FAM13B: variants seen among roughly 807,000 people sequenced by gnomAD.
FAM13B encodes the protein protein FAM13B.
Under a neutral mutation model 117.3 loss-of-function variants are expected in FAM13B, and 60 were observed. The ratio of observed to expected loss-of-function variants is 0.51; its 90% CI spans 0.42 to 0.63. FAM13B has a LOEUF of 0.63. FAM13B is among the 30% of genes least tolerant of loss of function. FAM13B has a pLI of 0.00. For synonymous variants in FAM13B, 332 were observed against 356.1 expected (o/e 0.93, Z 0.76); for missense variants, 972 against 1,091.9 (o/e 0.89, Z 1.55).
intron 10 of FAM13B, among the ~76,000 whole-genome samples, chr5:137,969,080 G>C (rs557589682): frequency 6.6e-6 from 1 of 152,248 alleles, no homozygotes; most frequent in South Asian, 2.1e-4. Context: ...CAAAGCAGCC[G>C]GGAAGCTCTA....
chr5:138,044,326 C>T (rs763437011), intron 1 of FAM13B, among the ~76,000 whole-genome samples: 4 of 152,054 alleles, frequency 2.6e-5, no homozygotes, highest in African/African-American at 4.8e-5. Context: ...CCAAGGTGAG[C>T]GGATCACCTG....
chr5:137,990,614 T>C (rs998787338), intron 7 of FAM13B, among the ~76,000 whole-genome samples: 2 of 151,978 alleles, frequency 1.3e-5, no homozygotes, highest in African/African-American at 4.8e-5. Context: ...TCATAAAGAA[T>C]TAAATAACCA....
chr5:137,970,539 G>A (rs1025517925), intron 10 of FAM13B, among the ~76,000 whole-genome samples: 2 of 151,998 alleles, frequency 1.3e-5, no homozygotes, highest in Admixed American at 1.3e-4. Context: ...AGACTAGGAA[G>A]AAACTGTGTC....
At chr5:137,948,086 A>C (rs887251837) in intron 18 of FAM13B, among the ~76,000 whole-genome samples, 1 of 152,106 alleles carries the variant, frequency 6.6e-6, no homozygotes, top group African/African-American at 2.4e-5. Flanking sequence ...TCCATTCTCC[A>C]AGCAAATCTC....
upstream of FAM13B, chr5:138,036,489 A>C: frequency 2.2e-6 from 1 of 456,694 alleles, no homozygotes; most frequent in South Asian, 1.5e-5. Flanking sequence ...CTCAGACTGC[A>C]GGAGGTACAA....
intron 1 of FAM13B, among the ~76,000 whole-genome samples, chr5:138,044,185 TC>T (rs1791578817): frequency 6.6e-6 from 1 of 151,986 alleles, no homozygotes; most frequent in East Asian, 1.9e-4. Context: ...CACTTCAGCC[TC>T]CCAAAGTGCT....
At chr5:137,993,039 A>G (rs1486178618) in intron 7 of FAM13B, among the ~76,000 whole-genome samples, 1 of 152,254 alleles carries the variant, frequency 6.6e-6, no homozygotes, top group Non-Finnish European at 1.5e-5. Context: ...AGCAGCATGG[A>G]TAAATCTCAA....
At chr5:137,980,174 A>AAT (rs1775274856) in intron 10 of FAM13B, among the ~76,000 whole-genome samples, 2 of 141,842 alleles carry the variant, frequency 1.4e-5, no homozygotes, top group South Asian at 2.3e-4. Context: ...ACTCCGTCTC[A>AAT]AGAAAAAAAA....
chr5:138,048,440 C>G (rs1304958263), intron 1 of FAM13B, among the ~76,000 whole-genome samples: 1 of 152,142 alleles, frequency 6.6e-6, no homozygotes, highest in Non-Finnish European at 1.5e-5. Flanking sequence ...AGTACACTAG[C>G]CTATAAGAGG....
At position 137,952,707 on chromosome 5, in the gene FAM13B, G is replaced by A. The variant is rs554979694; in HGVS notation, c.1851C>T (p.Pro617=). 6.3e-7 allele frequency: 1 copy of A among 1,595,054 alleles called. No individual in the cohort carries two copies. Among genetic ancestry groups the A allele is most frequent in the East Asian group, 2.2e-5 (1 of 44,582 alleles). ...EQFERERNSK[P]SYSDIAANPK... ...GATTGGCAGCAATATCACTGTAGGA[G>A]GGCTGAAAAATTATGGAGCAGAATC... is the stretch of plus-strand genomic sequence containing the variant. The change falls in exon 17 of 24, where the codon CCC becomes CCT. Residue 617 remains proline, a splice_region_variant and synonymous_variant. Coordinates refer to ENST00000689681, the MANE Select transcript of FAM13B (RefSeq NM_001385994.1).
intron 10 of FAM13B, among the ~76,000 whole-genome samples, chr5:137,970,437 C>A (rs1771727061): frequency 6.6e-6 from 1 of 151,890 alleles, no homozygotes; most frequent in African/African-American, 2.4e-5. Flanking sequence ...ACCAGGCCTG[C>A]CCTAAAAGAG....
In FAM13B at chr5:137,997,393, C is replaced by T. The variant is rs186763551; in HGVS notation, c.849-9078G>A. Among the ~76,000 whole-genome samples, 669 of 152,028 alleles carry T rather than the reference C, an allele frequency of 4.4e-3. 9 individuals are homozygous for T. Among genetic ancestry groups the T allele is most frequent in the South Asian group, 0.043 (209 of 4,824 alleles). The stretch of plus-strand genomic sequence containing the variant: ...CTGAGGCAGGAGAATCACTTGAACC[C>T]GGGAGGCGGAGGTTGCGGTGAGCTG... On this transcript the variant is annotated intron_variant, in intron 7 of 23. Transcript: ENST00000689681.
intron 12 of FAM13B, 146 bp from the exon 13 acceptor site, chr5:137,959,909 T>C: frequency 1.3e-6 from 1 of 762,426 alleles, no homozygotes; most frequent in Non-Finnish European, 2.1e-6. Context: ...GTGCAAACTA[T>C]TTTCAAATAT....
intron 10 of FAM13B, among the ~76,000 whole-genome samples, chr5:137,969,021 CGAGGCTGGGGG>C (rs1561473415): frequency 2.6e-5 from 4 of 152,214 alleles, no homozygotes; most frequent in African/African-American, 9.6e-5. Flanking sequence ...AAGGCGGCAG[CGAGGCTGGGGG>C]AAGGGTGCCC....
In FAM13B at chr5:137,938,753, A is replaced by G. The variant is rs1253697958; in HGVS notation, c.*1472T>C. The G allele has an allele frequency of 6.6e-6, 1 of 152,516 alleles. No homozygotes were observed. Among genetic ancestry groups the G allele is most frequent in the Non-Finnish European group, 1.5e-5 (1 of 68,030 alleles). 9.4% of individuals were successfully genotyped at this position (152,516 alleles called of 1,614,324 possible). A position where few individuals can be genotyped will look rare whatever the true frequency, so the allele number is the denominator to read the frequency against. ...CATGTGCTTACTATGTAATAGTGCC[A>G]GAAGTCTGAGGTTCATGCTTCCCTC... On this transcript the variant is annotated 3_prime_UTR_variant, in exon 24 of 24. Transcript: ENST00000689681.
Position 138,019,096 on chromosome 5 carries a change from A to T in FAM13B, c.16T>A (p.Ser6Thr), listed in dbSNP as rs753739350. ...GAGTTGCAGTTACTCAAGGAAGGGG[A>T]GGAGCTCTTCCTCATATCTTTTTTG... is the stretch of plus-strand genomic sequence containing the variant. MRKSS[S>T]PSLSNCNSVL... Residue 6 changes from serine to threonine, a missense_variant, in exon 3 of 24, where the codon TCC becomes ACC. Transcript: ENST00000689681. The T allele has an allele frequency of 6.2e-7, 1 of 1,613,846 alleles. No individual in the cohort carries two copies. Among genetic ancestry groups the T allele is most frequent in the Non-Finnish European group, 8.5e-7 (1 of 1,179,892 alleles).
intron 13 of FAM13B, among the ~76,000 whole-genome samples, chr5:137,957,397 G>A (rs994435831): frequency 3.3e-5 from 5 of 152,000 alleles, no homozygotes; most frequent in Admixed American, 6.5e-5. Flanking sequence ...AAAATTAGCC[G>A]GGTGTAGTGG....
chr5:138,011,691 T>A (rs1784060819), intron 5 of FAM13B, 77 bp downstream of exon 5: 1 of 1,030,822 alleles, frequency 9.7e-7, no homozygotes, highest in Non-Finnish European at 1.4e-6. Flanking sequence ...GTGCTGGGAT[T>A]ACAGGCATGA....
upstream of FAM13B, among the ~76,000 whole-genome samples, chr5:138,033,342 G>T (rs1015167056): frequency 6.6e-6 from 1 of 152,238 alleles, no homozygotes; most frequent in Admixed American, 6.5e-5. Flanking sequence ...GGAGAGGAAA[G>T]ATAAAGGGAA....
Sources: allele counts gnomAD v4.1 joint callset (sites outside exome capture counted in the v4.1 genomes callset), GRCh38; gene constraint gnomAD v4.1.1; transcripts MANE v1.5; gene names NCBI Gene and HGNC (gene_info 2026-07-23, HGNC 2026-07-21).